Variants in TCF4 observed in about 807,000 individuals in gnomAD.
TCF4 encodes the protein SL3-3 enhancer factor 2.
A neutral mutation model predicts 82.1 loss-of-function variants in TCF4; 3 were observed. The ratio of observed to expected loss-of-function variants is 0.04; its 90% CI spans 0.02 to 0.09. The LOEUF (loss-of-function observed/expected upper bound fraction) is 0.09, where lower values mean the gene tolerates loss of function less well. TCF4 is among the 10% of genes least tolerant of loss of function. The pLI is 1.00. For missense variants in TCF4, 518 were observed against 852.7 expected, an observed-to-expected ratio of 0.61 and a Z score of 4.89; for synonymous variants, 276 against 309.6, an observed-to-expected ratio of 0.89 and a Z score of 1.14.
intron 5 of TCF4, among the ~76,000 whole-genome samples, chr18:55,405,633 T>C (rs978185017): frequency 2.6e-5 from 4 of 152,216 alleles, no homozygotes; most frequent in Admixed American, 2.6e-4. Context: ...CTTATAGATA[T>C]AAGTTGGGCT....
chr18:55,441,952 G>A (rs892517839), intron 5 of TCF4, among the ~76,000 whole-genome samples: 14 of 152,134 alleles, frequency 9.2e-5, no homozygotes, highest in Admixed American at 5.2e-4. Flanking sequence ...CTAAGAAATC[G>A]CGGTGATCCA....
intron 8 of TCF4, chr18:55,332,121 C>T (rs1349144998): frequency 2.6e-5 from 4 of 152,058 alleles, no homozygotes; most frequent in African/African-American, 9.7e-5. Context: ...CTTATTTAAT[C>T]TATATTCTAC....
At chr18:55,535,145 G>A (rs992255005) in intron 3 of TCF4, among the ~76,000 whole-genome samples, 5 of 152,172 alleles carry the variant, frequency 3.3e-5, no homozygotes, top group South Asian at 2.1e-4. Flanking sequence ...ATAACACCAC[G>A]TGAGACACTG....
intron 3 of TCF4, among the ~76,000 whole-genome samples, chr18:55,581,237 T>A (rs1230174218): frequency 6.6e-6 from 1 of 152,018 alleles, no homozygotes; most frequent in East Asian, 1.9e-4. Context: ...TTATTTCCAA[T>A]AAAGGATTTG....
At chr18:55,459,725 C>A (rs1568102606) in intron 5 of TCF4, among the ~76,000 whole-genome samples, 1 of 152,222 alleles carries the variant, frequency 6.6e-6, no homozygotes, top group Middle Eastern at 3.4e-3. Flanking sequence ...AACAATGCAC[C>A]TTTCTATCAA....
intron 6 of TCF4, among the ~76,000 whole-genome samples, chr18:55,394,270 A>AC (rs997361772): frequency 9.2e-5 from 14 of 152,030 alleles, no homozygotes; most frequent in South Asian, 4.2e-4. Context: ...ACACACAGAG[A>AC]CCCCCCCATG....
rs556645541 is a variant in TCF4 at position 55,434,483 on chromosome 18, G to A, written c.304+26536C>T. On this transcript the variant is annotated intron_variant, in intron 5 of 19. Transcript: ENST00000354452. ...TGCCGAGGCTAGAGTGCAGTGGCGC[G>A]ATCTCGGCTCACTGCAAGCTCCGCC... is the stretch of plus-strand genomic sequence containing the variant. 1.6e-4 allele frequency among the ~76,000 whole-genome samples: 23 copies of A among 147,078 alleles called. No homozygotes were observed. In the East Asian group the frequency reaches 3.9e-3, roughly 25 times the overall value.
intron 3 of TCF4, among the ~76,000 whole-genome samples, chr18:55,565,151 G>T (rs544724339): frequency 5.9e-5 from 9 of 152,132 alleles, no homozygotes; most frequent in Non-Finnish European, 1.3e-4. Flanking sequence ...AAGAATGGGA[G>T]TTATAGGTAA....
chr18:55,560,939 A>T (rs1227000985), intron 3 of TCF4, among the ~76,000 whole-genome samples: 1 of 152,258 alleles, frequency 6.6e-6, no homozygotes, highest in Non-Finnish European at 1.5e-5. Flanking sequence ...CATATCTTTC[A>T]TTAGATTCCC....
intron 2 of TCF4, among the ~76,000 whole-genome samples, chr18:55,605,014 G>A (rs1229696515): frequency 6.6e-6 from 1 of 152,142 alleles, no homozygotes; most frequent in East Asian, 1.9e-4. Context: ...ACAGACCCAG[G>A]GAGGACAGCT....
intron 6 of TCF4, among the ~76,000 whole-genome samples, chr18:55,386,427 G>C (rs767568831): frequency 2.6e-5 from 4 of 151,846 alleles, no homozygotes; most frequent in African/African-American, 4.8e-5. Flanking sequence ...TTTCCCTCTT[G>C]TGCACTCTTT....
At chr18:55,624,978 C>T (rs969234339) in intron 2 of TCF4, among the ~76,000 whole-genome samples, 5 of 152,012 alleles carry the variant, frequency 3.3e-5, no homozygotes, top group Non-Finnish European at 5.9e-5. Flanking sequence ...TAAAAATAGC[C>T]GACTTTTTTT....
At chr18:55,470,745 G>A (rs890515760) in intron 3 of TCF4, among the ~76,000 whole-genome samples, 5 of 152,140 alleles carry the variant, frequency 3.3e-5, no homozygotes, top group Admixed American at 2.6e-4. Flanking sequence ...GCCTGAAATG[G>A]TATTTTGCAT....
At chr18:55,563,909 C>A (rs2097377037) in intron 3 of TCF4, among the ~76,000 whole-genome samples, 1 of 152,172 alleles carries the variant, frequency 6.6e-6, no homozygotes, top group Non-Finnish European at 1.5e-5. Context: ...GTAGTGGTTT[C>A]CAATGACACT....
chr18:55,359,115 G>A (rs1569175156), intron 6 of TCF4, among the ~76,000 whole-genome samples: 1 of 152,110 alleles, frequency 6.6e-6, no homozygotes, highest in Non-Finnish European at 1.5e-5. Context: ...CCCAAGACAT[G>A]TGAGGCTGTA....
intron 1 of TCF4, among the ~76,000 whole-genome samples, chr18:55,632,039 T>G (rs372555262): frequency 2.2e-3 from 341 of 152,240 alleles, no homozygotes; most frequent in African/African-American, 4.7e-3. Context: ...TGTTGTTGTT[T>G]TTGTTTTGTT....
intron 3 of TCF4, among the ~76,000 whole-genome samples, chr18:55,507,381 G>C (rs1320598082): frequency 6.6e-6 from 1 of 152,146 alleles, no homozygotes; most frequent in East Asian, 1.9e-4. Context: ...GAATCTGCTG[G>C]ACAAAGTAAG....
chr18:55,412,345 G>A lies in TCF4; in HGVS notation c.305-8827C>T, dbSNP rs919630739. Among the ~76,000 whole-genome samples the A allele has an allele frequency of 4.1e-5, 6 of 148,008 alleles. No individual in the cohort carries two copies. In the South Asian group the frequency reaches 1.3e-3, roughly 32 times the overall value. ...AAATGTGCTCATCTCCAATAATGAAGGCTGTTTTTTTTTTTTTTAAGAAAT... is the reference window on the plus strand; with the variant it reads ...AAATGTGCTCATCTCCAATAATGAAAGCTGTTTTTTTTTTTTTTAAGAAAT... On this transcript the variant is annotated intron_variant, in intron 5 of 19. Transcript: ENST00000354452.
intron 6 of TCF4, among the ~76,000 whole-genome samples, chr18:55,372,148 T>G (rs2089418007): frequency 6.6e-6 from 1 of 152,012 alleles, no homozygotes; most frequent in African/African-American, 2.4e-5. Context: ...TGATACTGGG[T>G]GTGTGTGTAT....
Sources: gnomAD v4.1 joint callset for allele counts (sites outside exome capture counted in the v4.1 genomes callset) on GRCh38, gnomAD v4.1.1 for gene constraint, MANE v1.5 for transcripts, NCBI Gene and HGNC (gene_info 2026-07-23, HGNC 2026-07-21) for gene names.